Variants in CCNY observed in about 807,000 individuals in gnomAD.
CCNY encodes the protein cyclin Y.
A neutral mutation model predicts 42.8 loss-of-function variants in CCNY; 19 were observed. The observed-to-expected ratio is 0.44, with a 90% CI of 0.31 to 0.65. CCNY has a LOEUF of 0.65. Ranked by LOEUF, CCNY falls within the 30% of genes least tolerant of loss-of-function variation. The pLI is 0.07. For missense variants in CCNY, 370 were observed against 437.3 expected (o/e 0.85, Z 1.37); for synonymous variants, 165 against 162.7 (o/e 1.01, Z -0.11).
At chr10:35,501,653 T>C in intron 3 of CCNY, 118 bp downstream of exon 3, 1 of 878,724 alleles carries the variant, frequency 1.1e-6, no homozygotes, top group East Asian at 2.4e-5. Flanking sequence ...GGAAGAATGT[T>C]GCAGTGTACT....
At chr10:35,505,072 CT>C (rs1840187511) in intron 3 of CCNY, among the ~76,000 whole-genome samples, 1 of 145,092 alleles carries the variant, frequency 6.9e-6, no homozygotes, top group South Asian at 2.2e-4. Flanking sequence ...TTTTATGAAT[CT>C]TTTAATTAAA....
At chr10:35,309,652 C>T (rs1036946828) in intron 3 of CCNY, among the ~76,000 whole-genome samples, 1 of 152,092 alleles carries the variant, frequency 6.6e-6, no homozygotes, top group Non-Finnish European at 1.5e-5. Context: ...AACTCCTCGG[C>T]TCAAGTGATT....
At chr10:35,414,103 A>G (rs937145338) in intron 1 of CCNY, among the ~76,000 whole-genome samples, 1 of 152,214 alleles carries the variant, frequency 6.6e-6, no homozygotes, top group East Asian at 1.9e-4. Flanking sequence ...GCTGTGTAAC[A>G]AGTTACCAGA....
At chr10:35,514,386 C>T (rs1036189472) in intron 3 of CCNY, among the ~76,000 whole-genome samples, 6 of 152,168 alleles carry the variant, frequency 3.9e-5, no homozygotes, top group Non-Finnish European at 8.8e-5. Context: ...CAGATCAGCC[C>T]TTAGTTCTGG....
At position 35,339,776 on chromosome 10, in the gene CCNY, T is replaced by C. The variant is rs117801674; in HGVS notation, c.154+2569T>C. 3.6e-3 allele frequency among the ~76,000 whole-genome samples: 548 copies of C among 152,326 alleles called. 4 individuals are homozygous for C. Among genetic ancestry groups the C allele is most frequent in the Non-Finnish European group, 5.1e-3 (345 of 68,028 alleles). ...TTGTCCTGTAGAATTTCAGTAATTT[T>C]AGTGTCTGGGAACTTAGGTGTCTAT... On this transcript the variant is annotated intron_variant, in intron 1 of 9. Transcript: ENST00000374704.
At chr10:35,249,412 G>A (rs899180733) in intron 2 of CCNY, among the ~76,000 whole-genome samples, 1 of 152,076 alleles carries the variant, frequency 6.6e-6, no homozygotes, top group Admixed American at 6.6e-5. Context: ...ATCCCTAAAT[G>A]GAAAACTGTG....
At chr10:35,469,554 C>T (rs576976997) in intron 1 of CCNY, among the ~76,000 whole-genome samples, 5 of 151,520 alleles carry the variant, frequency 3.3e-5, no homozygotes, top group South Asian at 2.1e-4. Flanking sequence ...AGAGGCAGAA[C>T]GGGAGATGGA....
intron 1 of CCNY, among the ~76,000 whole-genome samples, chr10:35,417,619 G>T (rs1838054218): frequency 6.6e-6 from 1 of 152,200 alleles, no homozygotes; most frequent in Admixed American, 6.5e-5. Context: ...AGAGCTTTTG[G>T]TCGTGTAGTT....
In CCNY at chr10:35,443,842, C is replaced by T. The variant is rs150351925; in HGVS notation, c.155-39562C>T. On this transcript the variant is annotated intron_variant, in intron 1 of 9. Coordinates refer to ENST00000374704, the MANE Select transcript of CCNY (RefSeq NM_145012.6). ...TTTCTCAGCATTCCACAAGTTACTT[C>T]CTCCTTTCCTTTGTTCTCCTCTATG... Among the ~76,000 whole-genome samples the T allele has an allele frequency of 4.4e-3, 671 of 152,300 alleles. 2 individuals carry two copies. Among genetic ancestry groups the T allele is most frequent in the Non-Finnish European group, 7.2e-3 (488 of 68,034 alleles).
chr10:35,402,143 A>AG (rs1224135056), intron 1 of CCNY, among the ~76,000 whole-genome samples: 1 of 152,160 alleles, frequency 6.6e-6, no homozygotes, highest in Non-Finnish European at 1.5e-5. Flanking sequence ...AAGTGGGATT[A>AG]GGGACAGCAT....
intron 5 of CCNY, among the ~76,000 whole-genome samples, 185 bp downstream of exon 5, chr10:35,526,184 A>G (rs1242322045): frequency 2.6e-5 from 4 of 152,234 alleles, no homozygotes; most frequent in African/African-American, 9.6e-5. Context: ...CTTTAGAATC[A>G]GTGGAAACCA....
intron 1 of CCNY, among the ~76,000 whole-genome samples, chr10:35,446,873 C>T (rs555145206): frequency 6.6e-6 from 1 of 152,118 alleles, no homozygotes; most frequent in Non-Finnish European, 1.5e-5. Context: ...AATTGCATGT[C>T]GAGATAAGTT....
chr10:35,271,554 G>T (rs893819701), intron 3 of CCNY, among the ~76,000 whole-genome samples: 1 of 152,158 alleles, frequency 6.6e-6, no homozygotes, highest in Non-Finnish European at 1.5e-5. Context: ...TTTTACCAGA[G>T]CCTAACCTGC....
intron 4 of CCNY, among the ~76,000 whole-genome samples, chr10:35,517,258 A>G (rs530069333): frequency 1.3e-5 from 2 of 152,266 alleles, no homozygotes; most frequent in African/African-American, 2.4e-5. Context: ...ACGGTGCTTC[A>G]GTTTCCGTAC....
chr10:35,439,859 C>T lies in CCNY; in HGVS notation c.155-43545C>T, dbSNP rs534594386. On this transcript the variant is annotated intron_variant, in intron 1 of 9. Coordinates refer to ENST00000374704, the MANE Select transcript of CCNY (RefSeq NM_145012.6). ...GACAGAAGTTCAGGTTTTACTTAGC[C>T]GCTGTTGACACTGAGGGGATGTGGC... Among the ~76,000 whole-genome samples the T allele has an allele frequency of 1.3e-4, 20 of 152,214 alleles. No individual in the cohort carries two copies. The South Asian group carries it at 2.1e-3, about 16-fold the overall frequency.
intron 1 of CCNY, among the ~76,000 whole-genome samples, chr10:35,353,742 A>G (rs1324246992): frequency 6.6e-6 from 1 of 152,204 alleles, no homozygotes; most frequent in Admixed American, 6.5e-5. Flanking sequence ...GAAGAAATTG[A>G]CCTATCTTAA....
At chr10:35,489,492 G>C (rs1839856038) in intron 2 of CCNY, among the ~76,000 whole-genome samples, 1 of 151,992 alleles carries the variant, frequency 6.6e-6, no homozygotes, top group Non-Finnish European at 1.5e-5. Flanking sequence ...AGTAGAGATG[G>C]GGTTTCACCA....
chr10:35,474,111 C>T (rs1386318609), intron 1 of CCNY, among the ~76,000 whole-genome samples: 57 of 152,202 alleles, frequency 3.7e-4, no homozygotes, highest in Non-Finnish European at 7.3e-4. Context: ...CGGCGCACCA[C>T]GAGATTATAT....
intron 1 of CCNY, among the ~76,000 whole-genome samples, chr10:35,360,236 G>A (rs1392388937): frequency 6.6e-6 from 1 of 151,938 alleles, no homozygotes; most frequent in Non-Finnish European, 1.5e-5. Context: ...GAGGCCAAAG[G>A]GATGACTGGA....
Sources: gnomAD v4.1 joint callset for allele counts (sites outside exome capture counted in the v4.1 genomes callset) on GRCh38, gnomAD v4.1.1 for gene constraint, MANE v1.5 for transcripts, NCBI Gene and HGNC (gene_info 2026-07-23, HGNC 2026-07-21) for gene names.